SEMA3E: variants seen among roughly 807,000 people sequenced by gnomAD.
SEMA3E encodes the protein semaphorin-3E.
A neutral mutation model predicts 93.6 loss-of-function variants in SEMA3E; 49 were observed. The ratio of observed to expected loss-of-function variants is 0.52; its 90% CI spans 0.42 to 0.66. The LOEUF (loss-of-function observed/expected upper bound fraction) is 0.66, where lower values mean the gene tolerates loss of function less well. Among genes scored for constraint, SEMA3E ranks in the 30% least tolerant of loss-of-function variants. The pLI is 0.00. For synonymous variants in SEMA3E, 363 were observed against 330.7 expected, an observed-to-expected ratio of 1.10 and a Z score of -1.06; for missense variants, 906 against 964.8, an observed-to-expected ratio of 0.94 and a Z score of 0.81.
Position 83,387,890 on chromosome 7 carries a change from A to G in SEMA3E, c.1668-840T>C, listed in dbSNP as rs1193424797. ...ACATTATATATATGTTTATATATATATAACATTATATATATAAAATTCCAG... is the reference window on the plus strand; with the variant it reads ...ACATTATATATATGTTTATATATATGTAACATTATATATATAAAATTCCAG... On this transcript the variant is annotated intron_variant, in intron 14 of 16. Transcript: ENST00000643230. Among the ~76,000 whole-genome samples, 3 of 146,806 alleles carry G rather than the reference A, an allele frequency of 2.0e-5. No individual in the cohort carries two copies. The East Asian group carries it at 5.8e-4, about 29-fold the overall frequency.
At chr7:83,643,438 C>T (rs1187209482) in intron 1 of SEMA3E, among the ~76,000 whole-genome samples, 1 of 151,898 alleles carries the variant, frequency 6.6e-6, no homozygotes, top group East Asian at 1.9e-4. Context: ...TATATAAATT[C>T]ACTGTTTATA....
intron 10 of SEMA3E, 121 bp from the exon 11 acceptor site, chr7:83,400,371 A>G: frequency 1.2e-6 from 1 of 861,008 alleles, no homozygotes. Context: ...TGCATTTAGA[A>G]ATATTTAGTA....
At chr7:83,414,555 A>G (rs998776395) in intron 5 of SEMA3E, among the ~76,000 whole-genome samples, 2 of 152,078 alleles carry the variant, frequency 1.3e-5, no homozygotes, top group Non-Finnish European at 1.5e-5. Flanking sequence ...TTATTTGCTG[A>G]AAAAAGTAAT....
At chr7:83,440,811 A>G (rs1789098678) in intron 4 of SEMA3E, among the ~76,000 whole-genome samples, 1 of 152,034 alleles carries the variant, frequency 6.6e-6, no homozygotes, top group Admixed American at 6.6e-5. Context: ...CAAAAAAAAA[A>G]AAAAAAAAGA....
At chr7:83,629,162 C>T (rs926602624) in intron 1 of SEMA3E, among the ~76,000 whole-genome samples, 7 of 152,188 alleles carry the variant, frequency 4.6e-5, no homozygotes, top group South Asian at 2.1e-4. Context: ...AGATTACTGC[C>T]TGCTCCTTCC....
Position 83,471,359 on chromosome 7 carries a change from G to A in SEMA3E, c.277-2057C>T, listed in dbSNP as rs1372852687. Among the ~76,000 whole-genome samples, 10 of 145,396 alleles carry A rather than the reference G, an allele frequency of 6.9e-5. No individual in the cohort carries two copies. In the East Asian group the frequency reaches 1.0e-3, roughly 15 times the overall value. On this transcript the variant is annotated intron_variant, in intron 2 of 16. Transcript: ENST00000643230. Reference sequence around the variant, plus strand: ...GTTGAAATCTGCACTAGTATAGACCGCTCCTGTCAGGATAAGACTGCTTTG... The same window carrying A: ...GTTGAAATCTGCACTAGTATAGACCACTCCTGTCAGGATAAGACTGCTTTG...
intron 11 of SEMA3E, among the ~76,000 whole-genome samples, chr7:83,398,169 A>G (rs1788162407): frequency 6.6e-6 from 1 of 152,178 alleles, no homozygotes. Flanking sequence ...AGCATGGTGT[A>G]TATGGCAGCA....
intron 1 of SEMA3E, among the ~76,000 whole-genome samples, chr7:83,526,208 C>T (rs2115706038): frequency 1.3e-5 from 2 of 152,116 alleles, no homozygotes; most frequent in Middle Eastern, 3.4e-3. Context: ...ACAATTTACA[C>T]CATGGAGGTC....
rs554859066 is a variant in SEMA3E at position 83,531,758 on chromosome 7, C to T, written c.116-41484G>A. On this transcript the variant is annotated intron_variant, in intron 1 of 16. Transcript: ENST00000643230. ...TTTATTTTCCAAGTTAGAGCAGATA[C>T]TGAGCGTAAAAATGAATAAATTTTA... Among the ~76,000 whole-genome samples, 4 of 152,228 alleles carry T rather than the reference C, an allele frequency of 2.6e-5. No homozygotes were observed. The East Asian group carries it at 5.8e-4, about 22-fold the overall frequency.
Position 83,469,239 on chromosome 7 carries a change from T to A in SEMA3E, c.336+4A>T, listed in dbSNP as rs1409146762. 1 of 1,603,802 alleles carries A rather than the reference T, an allele frequency of 6.2e-7. No individual in the cohort carries two copies. The highest frequency in any genetic ancestry group is 8.5e-7 in the Non-Finnish European group (1 of 1,171,286). On this transcript the variant is annotated splice_donor_region_variant and intron_variant, in intron 3 of 16. Coordinates refer to ENST00000643230, the MANE Select transcript of SEMA3E (RefSeq NM_012431.3). Reference sequence around the variant, plus strand: ...TTGTTTAATTTACAATGAATCATACTTACCGCATCTTTTCCCTTCATTATG... The same window carrying A: ...TTGTTTAATTTACAATGAATCATACATACCGCATCTTTTCCCTTCATTATG...
rs1794684427 is a variant in SEMA3E, at chr7:83,367,381, C to T, written c.*205G>A. 2 of 573,898 alleles carry T rather than the reference C, an allele frequency of 3.5e-6. No individual in the cohort carries two copies. The highest frequency in any genetic ancestry group is 4.4e-5 in the South Asian group (2 of 45,950). 35.6% of individuals were successfully genotyped at this position (573,898 alleles called of 1,614,324 possible). A position where few individuals can be genotyped will look rare whatever the true frequency, so the allele number is the denominator to read the frequency against. On this transcript the variant is annotated 3_prime_UTR_variant, in exon 17 of 17. Transcript: ENST00000643230. Reference sequence around the variant, plus strand: ...CATAATGAGAAACCATTAAGCAATGCATTTATTTAAAAAATTAGTTAATTT... The same window carrying T: ...CATAATGAGAAACCATTAAGCAATGTATTTATTTAAAAAATTAGTTAATTT...
In SEMA3E at chr7:83,408,475, A is replaced by G. The variant is rs1788369531; in HGVS notation, c.563T>C (p.Phe188Ser). ...CCAGTAGTCACTGTAGAGTCCAGCA[A>G]ACAATTCACTACCTACACGGGAGCA... ...FISTLIGSELFAGLYSDYWSR... is the reference protein window; with the variant it reads ...FISTLIGSELSAGLYSDYWSR... The change falls in exon 6 of 17, where the codon TTT becomes TCT. Residue 188 changes from phenylalanine (F) to serine (S), a missense_variant. By Grantham distance (155) the Phe-to-Ser change is radical. Transcript: ENST00000643230. 6.2e-7 allele frequency: 1 copy of G among 1,613,770 alleles called. No homozygotes were observed. The highest frequency in any genetic ancestry group is 1.1e-5 in the South Asian group (1 of 91,086).
At chr7:83,432,361 A>G (rs1355579243) in intron 4 of SEMA3E, among the ~76,000 whole-genome samples, 1 of 152,188 alleles carries the variant, frequency 6.6e-6, no homozygotes, top group Non-Finnish European at 1.5e-5. Flanking sequence ...ATAATTACTA[A>G]TAAGTCAAAT....
chr7:83,470,862 C>CTT (rs60392556), intron 2 of SEMA3E, among the ~76,000 whole-genome samples: 18,107 of 139,594 alleles, frequency 0.13, 1,728 homozygotes, highest in Non-Finnish European at 0.2. Context: ...CCCACATTTT[C>CTT]TTTTTTTTTT....
At chr7:83,542,123 A>G (rs936360637) in intron 1 of SEMA3E, among the ~76,000 whole-genome samples, 1 of 151,864 alleles carries the variant, frequency 6.6e-6, no homozygotes, top group African/African-American at 2.4e-5. Context: ...CAGGCAGATT[A>G]TTTAATGTCA....
intron 2 of SEMA3E, among the ~76,000 whole-genome samples, chr7:83,486,748 C>T (rs1294259040): frequency 6.6e-6 from 1 of 152,126 alleles, no homozygotes; most frequent in Non-Finnish European, 1.5e-5. Context: ...AGCCTCAGGA[C>T]TCCTTCCTGG....
intron 1 of SEMA3E, among the ~76,000 whole-genome samples, chr7:83,618,830 T>C (rs566125912): frequency 9.9e-5 from 15 of 152,070 alleles, no homozygotes; most frequent in African/African-American, 3.6e-4. Context: ...TGCATATATA[T>C]TTTCTCAAAC....
chr7:83,391,878 A>T (rs541354946), intron 14 of SEMA3E, among the ~76,000 whole-genome samples: 9 of 152,278 alleles, frequency 5.9e-5, no homozygotes, highest in East Asian at 1.9e-4. Context: ...ATTTTATTGC[A>T]AGAAAGAAAC....
intron 3 of SEMA3E, 131 bp downstream of exon 3, chr7:83,469,112 A>T (rs79975352): frequency 2.9e-6 from 2 of 687,230 alleles, no homozygotes; most frequent in Non-Finnish European, 5.1e-6. Flanking sequence ...ATGCCTATAT[A>T]TTTTTTCTTC....
Sources: allele counts gnomAD v4.1 joint callset (sites outside exome capture counted in the v4.1 genomes callset), GRCh38; gene constraint gnomAD v4.1.1; transcripts MANE v1.5; gene names NCBI Gene and HGNC (gene_info 2026-07-23, HGNC 2026-07-21).